The following ARNT variants were observed in gnomAD, a reference collection of about 807,000 sequenced individuals.
The protein encoded by ARNT is class E basic helix-loop-helix protein 2.
In ARNT, 30 loss-of-function variants were observed where a neutral mutation model predicts 105.0. That is an observed-to-expected ratio of 0.29 (90% CI 0.21 to 0.39). ARNT has a LOEUF of 0.39. Ranked by LOEUF, ARNT falls within the 10% of genes least tolerant of loss-of-function variation. The pLI is 1.00. For synonymous variants in ARNT, 304 were observed against 344.0 expected (o/e 0.88, Z 1.29); for missense variants, 748 against 978.7 (o/e 0.76, Z 3.15).
intron 2 of ARNT, among the ~76,000 whole-genome samples, chr1:150,853,951 A>G (rs1664084989): frequency 6.6e-6 from 1 of 152,162 alleles, no homozygotes; most frequent in Admixed American, 6.5e-5. Flanking sequence ...GATGGGTCGC[A>G]TTTGAAGTAC....
At chr1:150,825,679 C>T (rs587594515) in intron 13 of ARNT, among the ~76,000 whole-genome samples, 52 of 151,942 alleles carry the variant, frequency 3.4e-4, no homozygotes, top group Admixed American at 5.2e-4. Context: ...TGAAACCCCG[C>T]CTCTACTAAA....
intron 1 of ARNT, among the ~76,000 whole-genome samples, chr1:150,860,094 A>G (rs2102319854): frequency 6.6e-6 from 1 of 151,450 alleles, no homozygotes; most frequent in South Asian, 2.1e-4. Flanking sequence ...CATCATGAAT[A>G]TCTATCTACA....
chr1:150,866,324 G>GA (rs1666588414), intron 1 of ARNT, among the ~76,000 whole-genome samples: 1 of 152,046 alleles, frequency 6.6e-6, no homozygotes, highest in African/African-American at 2.4e-5. Flanking sequence ...TGACTACTGA[G>GA]AAAAAAGACC....
At chr1:150,845,410 G>C (rs891286428) in intron 4 of ARNT, among the ~76,000 whole-genome samples, 1 of 151,054 alleles carries the variant, frequency 6.6e-6, no homozygotes, top group African/African-American at 2.4e-5. Flanking sequence ...AGACAAGCCT[G>C]GCCAACATGG....
At chr1:150,838,019 A>T (rs1261893994) in intron 6 of ARNT, among the ~76,000 whole-genome samples, 1 of 152,188 alleles carries the variant, frequency 6.6e-6, no homozygotes, top group Non-Finnish European at 1.5e-5. Context: ...TTTTACCAAA[A>T]CTAATTAAGT....
chr1:150,846,384 G>C (rs1662218550), intron 3 of ARNT, 77 bp from the exon 4 acceptor site: 1 of 1,431,992 alleles, frequency 7.0e-7, no homozygotes, highest in Non-Finnish European at 9.7e-7. Flanking sequence ...AAACTAGAAA[G>C]GGGTGAAAAT....
intron 2 of ARNT, among the ~76,000 whole-genome samples, chr1:150,856,738 G>T (rs953361457): frequency 6.6e-6 from 1 of 152,012 alleles, no homozygotes; most frequent in African/African-American, 2.4e-5. Context: ...ACTCCAGCCT[G>T]GCAAAAGAGC....
chr1:150,812,386 C>A (rs879353046), intron 21 of ARNT, among the ~76,000 whole-genome samples: 19 of 152,080 alleles, frequency 1.2e-4, no homozygotes, highest in Non-Finnish European at 2.4e-4. Context: ...TTTCATATAA[C>A]CCCCTATAGA....
At chr1:150,858,617 T>A (rs1665046063) in intron 1 of ARNT, among the ~76,000 whole-genome samples, 157 bp from the exon 2 acceptor site, 1 of 41,830 alleles carries the variant, frequency 2.4e-5, no homozygotes, top group African/African-American at 5.7e-5. Flanking sequence ...CTCTTCTTGA[T>A]TTTTTTTTTT....
intron 6 of ARNT, among the ~76,000 whole-genome samples, chr1:150,838,395 C>T (rs587656341): frequency 1.3e-5 from 2 of 152,286 alleles, no homozygotes; most frequent in South Asian, 4.1e-4. Flanking sequence ...CCATTTGTCT[C>T]ACCATTCTTT....
intron 8 of ARNT, 57 bp from the exon 9 acceptor site, chr1:150,832,456 C>T: frequency 6.6e-7 from 1 of 1,511,484 alleles, no homozygotes; most frequent in Non-Finnish European, 9.2e-7. Flanking sequence ...AAAGAACTTT[C>T]CACAGTAATA....
chr1:150,842,525 G>A lies in ARNT; in HGVS notation c.228-57C>T, dbSNP rs3738482. 7.3e-4 allele frequency: 1,105 copies of A among 1,512,684 alleles called. 24 individuals carry two copies. In the East Asian group the frequency reaches 0.025, roughly 34 times the overall value. 93.7% of individuals were successfully genotyped at this position (1,512,684 alleles called of 1,614,324 possible). Reference sequence around the variant, plus strand: ...TTAAAATAAAAAAGAAGGAAGGAAGGGGGGAGGGAGGAAGGGAAAAAAGGA... The same window carrying A: ...TTAAAATAAAAAAGAAGGAAGGAAGAGGGGAGGGAGGAAGGGAAAAAAGGA... On this transcript the variant is annotated intron_variant, in intron 4 of 21. Transcript: ENST00000358595.
intron 4 of ARNT, among the ~76,000 whole-genome samples, chr1:150,843,844 G>A (rs149110232): frequency 1.3e-5 from 2 of 152,140 alleles, no homozygotes; most frequent in African/African-American, 4.8e-5. Flanking sequence ...TATATCCCAA[G>A]GAGGATATGT....
At chr1:150,857,578 A>G (rs951239332) in intron 2 of ARNT, among the ~76,000 whole-genome samples, 7 of 152,192 alleles carry the variant, frequency 4.6e-5, no homozygotes, top group African/African-American at 1.7e-4. Context: ...TAGCTGCACA[A>G]TTTTTAAAAA....
At chr1:150,814,779 G>T (rs959918871) in intron 19 of ARNT, among the ~76,000 whole-genome samples, 2 of 152,050 alleles carry the variant, frequency 1.3e-5, no homozygotes, top group African/African-American at 4.8e-5. Context: ...GGAGACAGAG[G>T]TTGCAGTGAG....
intron 6 of ARNT, 116 bp from the exon 7 acceptor site, chr1:150,836,609 G>A: frequency 1.9e-6 from 2 of 1,025,896 alleles, no homozygotes; most frequent in Non-Finnish European, 2.8e-6. Flanking sequence ...AGCAACTGCT[G>A]GTTCACACCT....
intron 1 of ARNT, among the ~76,000 whole-genome samples, chr1:150,871,221 T>G (rs1439217571): frequency 1.3e-5 from 2 of 151,834 alleles, no homozygotes; most frequent in Non-Finnish European, 2.9e-5. Flanking sequence ...ATGATAGGTG[T>G]TGTCATATTT....
intron 14 of ARNT, among the ~76,000 whole-genome samples, chr1:150,820,574 T>C (rs1656836434): frequency 6.6e-6 from 1 of 152,134 alleles, no homozygotes; most frequent in African/African-American, 2.4e-5. Context: ...GGAGGATCAC[T>C]TGAGCCTGGG....
At chr1:150,816,125 G>T in intron 19 of ARNT, 134 bp downstream of exon 19, 1 of 1,150,284 alleles carries the variant, frequency 8.7e-7, no homozygotes, top group Non-Finnish European at 1.2e-6. Flanking sequence ...TCTCAACAAA[G>T]ATGGAAATTG....
Sources: gnomAD v4.1 joint callset for allele counts (sites outside exome capture counted in the v4.1 genomes callset) on GRCh38, gnomAD v4.1.1 for gene constraint, MANE v1.5 for transcripts, NCBI Gene and HGNC (gene_info 2026-07-23, HGNC 2026-07-21) for gene names.